The following TCHHL1 variants were observed in gnomAD, a reference collection of about 807,000 sequenced individuals.
The protein encoded by TCHHL1 is trichohyalin like 1, also known as trichohyalin-like protein 1.
In TCHHL1, 1 loss-of-function variant was observed where a neutral mutation model predicts 3.5. The observed-to-expected ratio is 0.29, with a 90% CI of 0.10 to 1.36. TCHHL1 has a LOEUF of 1.36. TCHHL1 is among the 40% of genes most tolerant of loss of function. The pLI is 0.43. For synonymous variants in TCHHL1, 405 were observed against 375.3 expected, an observed-to-expected ratio of 1.08 and a Z score of -0.92; for missense variants, 1,027 against 1,032.8, an observed-to-expected ratio of 0.99 and a Z score of 0.08.
At position 152,087,084 on chromosome 1, in the gene TCHHL1, C is replaced by T. The variant is rs1366559333; in HGVS notation, c.598G>A (p.Glu200Lys). ...QEVAQDIQTT[E>K]DNEGQLKTNK... ...GTCTTAAGTTGGCCTTCATTGTCTT[C>T]TGTTGTTTGTATATCTTGAGCCACT... The change falls in exon 3 of 3, where the codon GAA becomes AAA. Residue 200 changes from glutamate (E) to lysine (K), a missense_variant. Around this residue, in one of 3 missense-constraint regions of TCHHL1, gnomAD observed 338 missense variants for 335.9 expected, o/e 1.01. Transcript: ENST00000368806. The T allele has an allele frequency of 1.2e-6, 2 of 1,614,120 alleles. No homozygotes were observed. Among genetic ancestry groups the T allele is most frequent in the Non-Finnish European group, 1.7e-6 (2 of 1,180,022 alleles).
intron 1 of TCHHL1, among the ~76,000 whole-genome samples, chr1:152,088,661 G>A (rs761398473): frequency 6.6e-6 from 1 of 152,098 alleles, no homozygotes; most frequent in Non-Finnish European, 1.5e-5. Flanking sequence ...ATGTTTGCAG[G>A]TGGTAACAAC....
rs1213173389 is a variant in TCHHL1 at position 152,085,633 on chromosome 1, C to A, written c.2049G>T (p.Gln683His). ...TTCCAGGGAGCTGCATTAGGGAAAG[C>A]TGGTCAGTGAAGTCTTCATCCAGGG... ...TGALDEDFTD[Q>H]LSLMQLPGKG... Residue 683 changes from glutamine (Q) to histidine (H), a missense_variant, in exon 3 of 3, where the codon CAG (glutamine) becomes CAT (histidine). Gln to His is a conservative substitution (Grantham distance 24). Transcript: ENST00000368806. 1.2e-6 allele frequency: 2 copies of A among 1,614,176 alleles called. No homozygotes were observed. Among genetic ancestry groups the A allele is most frequent in the South Asian group, 2.2e-5 (2 of 91,082 alleles).
rs533471967 is a variant in TCHHL1 at position 152,086,630 on chromosome 1, C to A, written c.1052G>T (p.Gly351Val). Residue 351 changes from glycine to valine, a missense_variant, in exon 3 of 3, where the codon GGT becomes GTT. Coordinates refer to ENST00000368806, the MANE Select transcript of TCHHL1 (RefSeq NM_001008536.2). ...DQTPAKTKNLGEPEDYGRTSE... is the reference protein window; with the variant it reads ...DQTPAKTKNLVEPEDYGRTSE... ...TGTTCTGCCATAATCCTCAGGTTCA[C>A]CCAAATTCTTTGTTTTAGCTGGTGT... 4.6e-5 allele frequency: 75 copies of A among 1,614,142 alleles called. 1 individual carries two copies. The South Asian group carries it at 7.0e-4, about 15-fold the overall frequency.
Position 152,086,699 on chromosome 1 carries a change from C to G in TCHHL1, c.983G>C (p.Cys328Ser). 6.2e-7 allele frequency: 1 copy of G among 1,614,198 alleles called. No homozygotes were observed. The highest frequency in any genetic ancestry group is 8.5e-7 in the Non-Finnish European group (1 of 1,180,046). The stretch of plus-strand genomic sequence containing the variant: ...TGGTTCTTGAGTGTCAAACATTCTA[C>G]AGACATCCTTGGAATCAGTTGATTT... ...TQKSTDSKDV[C>S]RMFDTQEPGK... The change falls in exon 3 of 3, where the codon TGT becomes TCT. Residue 328 changes from cysteine (C) to serine (S), a missense_variant. Around this residue, in one of 3 missense-constraint regions of TCHHL1, gnomAD observed 16 missense variants for 38.3 expected, o/e 0.42. Coordinates refer to ENST00000368806, the MANE Select transcript of TCHHL1 (RefSeq NM_001008536.2).
chr1:152,087,530 T>C lies in TCHHL1; in HGVS notation c.152A>G (p.His51Arg), dbSNP rs1657757359. The change falls in exon 3 of 3, where the codon CAT (histidine) becomes CGT (arginine). Residue 51 changes from histidine to arginine, a missense_variant. Physicochemically the swap from His to Arg is conservative, Grantham distance 29 (BLOSUM62 0). Transcript: ENST00000368806. ...AAGATTTGAATTTTTTTCCACAGCA[T>C]GAAGGACACAGGGCTGCATGAAAAC... ...FGDFFQPCVLHAVEKNSNLLN... is the reference protein window; with the variant it reads ...FGDFFQPCVLRAVEKNSNLLN... 1.3e-6 allele frequency: 2 copies of C among 1,595,064 alleles called. No individual in the cohort carries two copies. Among genetic ancestry groups the C allele is most frequent in the African/African-American group, 2.7e-5 (2 of 74,970 alleles).
Position 152,085,538 on chromosome 1 carries a change from T to G in TCHHL1, c.2144A>C (p.Glu715Ala). The change falls in exon 3 of 3, where the codon GAG becomes GCG. Residue 715 changes from glutamate (E) to alanine (A), a missense_variant. Physicochemically the swap from Glu to Ala is moderately radical, Grantham distance 107. Transcript: ENST00000368806. ...SSKEEKGRAT[E>A]AQNTLLESLD... is the part of the protein sequence containing the mutation. Reference sequence around the variant, plus strand: ...ACTTTCTAACAGAGTATTCTGGGCCTCTGTTGCTCTTCCTTTCTCTTCTTT... The same window carrying G: ...ACTTTCTAACAGAGTATTCTGGGCCGCTGTTGCTCTTCCTTTCTCTTCTTT... 1 of 1,614,230 alleles carries G rather than the reference T, an allele frequency of 6.2e-7. No homozygotes were observed. Among genetic ancestry groups the G allele is most frequent in the Non-Finnish European group, 8.5e-7 (1 of 1,180,040 alleles).
At position 152,085,310 on chromosome 1, in the gene TCHHL1, A is replaced by G; in HGVS notation, c.2372T>C (p.Val791Ala). ...ACTGGAATAGACTGCACCCCTCTCC[A>G]CAGAACAGGGCTCTTGGTCTCTCTG... ...QMQRDQEPCS[V>A]ERGAVYSSPL... The change falls in exon 3 of 3, where the codon GTG becomes GCG. Residue 791 changes from valine to alanine, a missense_variant. By Grantham distance (64) the Val-to-Ala change is moderately conservative. This residue lies in a region of TCHHL1 where 673 missense variants were observed against 658.6 expected (regional missense o/e 1.02). Coordinates refer to ENST00000368806, the MANE Select transcript of TCHHL1 (RefSeq NM_001008536.2). 1.9e-6 allele frequency: 3 copies of G among 1,614,164 alleles called. No individual in the cohort carries two copies. The highest frequency in any genetic ancestry group is 2.5e-6 in the Non-Finnish European group (3 of 1,180,030).
rs151016610 is a variant in TCHHL1, at chr1:152,086,138, C to A, written c.1544G>T (p.Arg515Met). The A allele has an allele frequency of 1.2e-6, 2 of 1,614,162 alleles. No individual in the cohort carries two copies. The highest frequency in any genetic ancestry group is 2.2e-5 in the South Asian group (2 of 91,082). Residue 515 changes from arginine to methionine, a missense_variant, in exon 3 of 3, where the codon AGG becomes ATG. Around this residue, in one of 3 missense-constraint regions of TCHHL1, gnomAD observed 673 missense variants for 658.6 expected, o/e 1.02. Coordinates refer to ENST00000368806, the MANE Select transcript of TCHHL1 (RefSeq NM_001008536.2). Reference protein sequence around the residue: ...LEKQSVGENTRVTKTHDQPVE... With the variant: ...LEKQSVGENTMVTKTHDQPVE... ...TGGTTGGTCATGAGTCTTGGTGACC[C>A]TAGTATTTTCTCCTACAGACTGCTT...
At position 152,088,083 on chromosome 1, in the gene TCHHL1, C is replaced by T; in HGVS notation, c.61G>A (p.Glu21Lys). The T allele has an allele frequency of 1.2e-6, 2 of 1,610,888 alleles. No homozygotes were observed. Among genetic ancestry groups the T allele is most frequent in the Non-Finnish European group, 1.7e-6 (2 of 1,178,972 alleles). ...GTCAGTGTTGCCCCGTTACTGTCCT[C>T]ACTGGCATATTTGTGGAATGTCTCA... is the stretch of plus-strand genomic sequence containing the variant. ...VIETFHKYASEDSNGATLTGR... is the reference protein window; with the variant it reads ...VIETFHKYASKDSNGATLTGR... Residue 21 changes from glutamate to lysine, a missense_variant, in exon 2 of 3, where the codon GAG (glutamate) becomes AAG (lysine). This residue lies in a region of TCHHL1 where 338 missense variants were observed against 335.9 expected (regional missense o/e 1.01). Coordinates refer to ENST00000368806, the MANE Select transcript of TCHHL1 (RefSeq NM_001008536.2).
At position 152,085,298 on chromosome 1, in the gene TCHHL1, G is replaced by T. The variant is rs928370578; in HGVS notation, c.2384C>A (p.Ala795Glu). 1 of 1,614,146 alleles carries T rather than the reference G, an allele frequency of 6.2e-7. No homozygotes were observed. The highest frequency in any genetic ancestry group is 8.5e-7 in the Non-Finnish European group (1 of 1,180,026). ...CTGGTATAGTGGACTGGAATAGACT[G>T]CACCCCTCTCCACAGAACAGGGCTC... ...DQEPCSVERG[A>E]VYSSPLYQYL... The change falls in exon 3 of 3, where the codon GCA (alanine) becomes GAA (glutamate). Residue 795 changes from alanine (A) to glutamate (E), a missense_variant. By Grantham distance (107) the Ala-to-Glu change is moderately radical (BLOSUM62 -1). Transcript: ENST00000368806.
In TCHHL1 at chr1:152,086,889, G is replaced by A. The variant is rs777352922; in HGVS notation, c.793C>T (p.Pro265Ser). The change falls in exon 3 of 3, where the codon CCA (proline) becomes TCA (serine). Residue 265 changes from proline to serine, a missense_variant. Coordinates refer to ENST00000368806, the MANE Select transcript of TCHHL1 (RefSeq NM_001008536.2). ...EGNLATQSSP[P>S]KEATQRPCED... ...CATGGTCTTTGTGTTGCTTCTTTTG[G>A]TGGTGAACTTTGGGTTGCCAAGTTT... is the stretch of plus-strand genomic sequence containing the variant. The A allele has an allele frequency of 1.9e-6, 3 of 1,614,064 alleles. No individual in the cohort carries two copies. Among genetic ancestry groups the A allele is most frequent in the Non-Finnish European group, 2.5e-6 (3 of 1,180,012 alleles).
At chr1:152,088,409 T>G (rs896714541) in intron 1 of TCHHL1, among the ~76,000 whole-genome samples, 6 of 152,112 alleles carry the variant, frequency 3.9e-5, no homozygotes, top group Non-Finnish European at 8.8e-5. Flanking sequence ...ACAGCAACAT[T>G]CATGTGCTCA....
At position 152,086,920 on chromosome 1, in the gene TCHHL1, C is replaced by T. The variant is rs372956188; in HGVS notation, c.762G>A (p.Gln254=). Residue 254 remains glutamine, a synonymous_variant, in exon 3 of 3, where the codon CAG becomes CAA. Transcript: ENST00000368806. Reference sequence around the variant, plus strand: ...AACTTTGGGTTGCCAAGTTTCCTTCCTGTTCTCCAAACTGGTCTCTTATCT... The same window carrying T: ...AACTTTGGGTTGCCAAGTTTCCTTCTTGTTCTCCAAACTGGTCTCTTATCT... ...VSKIRDQFGE[Q]EGNLATQSSP... 3 of 1,614,028 alleles carry T rather than the reference C, an allele frequency of 1.9e-6. No individual in the cohort carries two copies. In the African/African-American group the frequency reaches 4.0e-5, roughly 22 times the overall value.
Position 152,087,029 on chromosome 1 carries a change from G to A in TCHHL1, c.653C>T (p.Thr218Ile), listed in dbSNP as rs772696108. Residue 218 changes from threonine to isoleucine, a missense_variant, in exon 3 of 3, where the codon ACC (threonine) becomes ATC (isoleucine). Coordinates refer to ENST00000368806, the MANE Select transcript of TCHHL1 (RefSeq NM_001008536.2). ...TNKPMAGSKK[T>I]SSPTERKGQD... Reference sequence around the variant, plus strand: ...TCCCTTCCTCTCTGTGGGACTGCTGGTCTTTTTTGATCCTGCCATTGGCTT... The same window carrying A: ...TCCCTTCCTCTCTGTGGGACTGCTGATCTTTTTTGATCCTGCCATTGGCTT... 1.9e-6 allele frequency: 3 copies of A among 1,613,950 alleles called. No individual in the cohort carries two copies. The highest frequency in any genetic ancestry group is 1.7e-6 in the Non-Finnish European group (2 of 1,179,968).
At position 152,085,980 on chromosome 1, in the gene TCHHL1, G is replaced by A; in HGVS notation, c.1702C>T (p.Pro568Ser). The A allele has an allele frequency of 6.2e-7, 1 of 1,614,190 alleles. No homozygotes were observed. ...GNSSSETGEL[P>S]VQGDSQSQGD... The stretch of plus-strand genomic sequence containing the variant: ...TGACTCTGGGAGTCCCCTTGCACAG[G>A]CAGTTCACCTGTCTCTGAGCTGCTA... The change falls in exon 3 of 3, where the codon CCT becomes TCT. Residue 568 changes from proline (P) to serine (S), a missense_variant. This residue lies in a region of TCHHL1 where 673 missense variants were observed against 658.6 expected (regional missense o/e 1.02). Coordinates refer to ENST00000368806, the MANE Select transcript of TCHHL1 (RefSeq NM_001008536.2).
intron 2 of TCHHL1, 94 bp downstream of exon 2, chr1:152,087,912 G>A (rs1657764524): frequency 1.4e-6 from 2 of 1,446,824 alleles, no homozygotes; most frequent in South Asian, 2.9e-5. Context: ...TTAGCTAGGT[G>A]TAAAATGGAT....
At position 152,087,079 on chromosome 1, in the gene TCHHL1, G is replaced by A. The variant is rs977295921; in HGVS notation, c.603C>T (p.Asp201=). The change falls in exon 3 of 3, where the codon GAC becomes GAT. Residue 201 remains aspartate, a synonymous_variant. Transcript: ENST00000368806. ...EVAQDIQTTE[D]NEGQLKTNKP... ...TATTTGTCTTAAGTTGGCCTTCATTGTCTTCTGTTGTTTGTATATCTTGAG... is the reference window on the plus strand; with the variant it reads ...TATTTGTCTTAAGTTGGCCTTCATTATCTTCTGTTGTTTGTATATCTTGAG... The A allele has an allele frequency of 6.2e-6, 10 of 1,614,028 alleles. No individual in the cohort carries two copies. The highest frequency in any genetic ancestry group is 4.4e-5 in the South Asian group (4 of 91,070).
chr1:152,086,752 A>C lies in TCHHL1; in HGVS notation c.930T>G (p.Ala310=). ...GTGTCTGAGATGGTGACCTGGCAGC[A>C]GCTTGTTCTGGCAGGTCAGCATGCT... ...SSQHADLPEQ[A]AARSPSQTQK... The change falls in exon 3 of 3, where the codon GCT becomes GCG. Residue 310 remains alanine, a synonymous_variant. Transcript: ENST00000368806. 2 of 1,614,224 alleles carry C rather than the reference A, an allele frequency of 1.2e-6. No homozygotes were observed. Among genetic ancestry groups the C allele is most frequent in the Non-Finnish European group, 8.5e-7 (1 of 1,180,048 alleles).
chr1:152,086,801 T>C lies in TCHHL1; in HGVS notation c.881A>G (p.Gln294Arg). The change falls in exon 3 of 3, where the codon CAA (glutamine) becomes CGA (arginine). Residue 294 changes from glutamine (Q) to arginine (R), a missense_variant. Around this residue, in one of 3 missense-constraint regions of TCHHL1, gnomAD observed 338 missense variants for 335.9 expected, o/e 1.01. Coordinates refer to ENST00000368806, the MANE Select transcript of TCHHL1 (RefSeq NM_001008536.2). ...KHSNIQEPPL[Q>R]REDEPSSQHA... The stretch of plus-strand genomic sequence containing the variant: ...CTGTGAACTGGGCTCATCTTCTCTT[T>C]GTAGGGGTGGTTCTTGTATATTAGA... 1 of 1,614,158 alleles carries C rather than the reference T, an allele frequency of 6.2e-7. No individual in the cohort carries two copies. Among genetic ancestry groups the C allele is most frequent in the Non-Finnish European group, 8.5e-7 (1 of 1,180,022 alleles).
Sources: gnomAD v4.1 joint callset for allele counts (sites outside exome capture counted in the v4.1 genomes callset) on GRCh38, gnomAD v4.1.1 for gene constraint, gnomAD v4.1.1 regional missense constraint, MANE v1.5 for transcripts, NCBI Gene and HGNC (gene_info 2026-07-23, HGNC 2026-07-21) for gene names.